Variants in RNF220 observed in about 807,000 individuals in gnomAD.
RNF220 encodes ring finger protein 220.
A neutral mutation model predicts 67.1 loss-of-function variants in RNF220; 7 were observed. The ratio of observed to expected loss-of-function variants is 0.10; its 90% CI spans 0.06 to 0.20. The LOEUF (loss-of-function observed/expected upper bound fraction) is 0.20. Ranked by LOEUF, RNF220 falls within the 10% of genes least tolerant of loss-of-function variation. The pLI is 1.00. For missense variants in RNF220, 565 were observed against 740.3 expected (o/e 0.76, Z 2.75); for synonymous variants, 270 against 283.2 (o/e 0.95, Z 0.47).
intron 2 of RNF220, among the ~76,000 whole-genome samples, chr1:44,515,705 G>A (rs537079333): frequency 1.3e-5 from 2 of 152,294 alleles, no homozygotes; most frequent in South Asian, 4.1e-4. Flanking sequence ...AAATCACACA[G>A]TATGAGAAGG....
In RNF220 at chr1:44,481,212, C is replaced by T. The variant is rs141499289; in HGVS notation, c.625+68490C>T. Among the ~76,000 whole-genome samples, 1,492 of 152,086 alleles carry T rather than the reference C, an allele frequency of 9.8e-3. 34 individuals carry two copies. The highest frequency in any genetic ancestry group is 0.034 in the African/African-American group (1,425 of 41,466). ...CTGAGGTGGGAGGATTGCATGAGCC[C>T]GGGAGTTCAAGACCAGGTTGGGAAA... On this transcript the variant is annotated intron_variant, in intron 2 of 14. Transcript: ENST00000361799.
At position 44,580,063 on chromosome 1, in the gene RNF220, AAAAG is replaced by A. The variant is rs1200849885; in HGVS notation, c.626-34086_626-34083del. On this transcript the variant is annotated intron_variant, in intron 2 of 14. Coordinates refer to ENST00000361799, the MANE Select transcript of RNF220 (RefSeq NM_018150.4). ...AAAAAAAAAAAAAAAAAAAAGAAAG[AAAAG>A]AAAGAAAGAAAGAAAAGAAAAGAAA... 2.9e-3 allele frequency among the ~76,000 whole-genome samples: 436 copies of A among 149,000 alleles called. 1 individual carries two copies. Among genetic ancestry groups the A allele is most frequent in the African/African-American group, 9.3e-3 (377 of 40,464 alleles).
In RNF220 at chr1:44,551,886, C is replaced by T. The variant is rs552747345; in HGVS notation, c.626-62279C>T. On this transcript the variant is annotated intron_variant, in intron 2 of 14. Coordinates refer to ENST00000361799, the MANE Select transcript of RNF220 (RefSeq NM_018150.4). ...CAAGCTCCCATTCCCACAAGCTATG[C>T]TTTAGATCTAGTCTCCTCCTAACAC... Among the ~76,000 whole-genome samples the T allele has an allele frequency of 4.4e-4, 67 of 152,324 alleles. 3 individuals carry two copies. The South Asian group carries it at 0.012, about 28-fold the overall frequency.
intron 2 of RNF220, among the ~76,000 whole-genome samples, chr1:44,575,091 ACATTAGAACTTATTCCTTC>A (rs962204130): frequency 2.0e-5 from 3 of 152,128 alleles, no homozygotes; most frequent in African/African-American, 4.8e-5. Flanking sequence ...CTGCTATCAA[ACATTAGAACTTATTCCTTC>A]CATTAGAACT....
intron 8 of RNF220, chr1:44,636,507 T>C (rs1022955017): frequency 1.1e-5 from 8 of 706,710 alleles, no homozygotes; most frequent in African/African-American, 8.8e-5. Flanking sequence ...TCCATCCCTC[T>C]TAAGGCTGAT....
intron 2 of RNF220, among the ~76,000 whole-genome samples, chr1:44,578,894 G>A (rs1256195408): frequency 6.6e-6 from 1 of 152,122 alleles, no homozygotes; most frequent in Non-Finnish European, 1.5e-5. Context: ...GGCCGGGTGC[G>A]GTGGCTCACG....
At chr1:44,641,806 C>CT (rs1435113315) in intron 8 of RNF220, among the ~76,000 whole-genome samples, 1 of 152,316 alleles carries the variant, frequency 6.6e-6, no homozygotes, top group Non-Finnish European at 1.5e-5. Flanking sequence ...TCTGTCTCAG[C>CT]TGGAGGATGG....
chr1:44,466,742 T>C (rs1460687897), intron 2 of RNF220, among the ~76,000 whole-genome samples: 1 of 152,218 alleles, frequency 6.6e-6, no homozygotes, highest in African/African-American at 2.4e-5. Flanking sequence ...CTCTTAGCAG[T>C]AGATCTCAAC....
At chr1:44,646,284 T>A (rs1644644502) in intron 12 of RNF220, among the ~76,000 whole-genome samples, 1 of 152,242 alleles carries the variant, frequency 6.6e-6, no homozygotes, top group African/African-American at 2.4e-5. Context: ...GCCGGGTCGG[T>A]GGCCCAGGGT....
intron 2 of RNF220, among the ~76,000 whole-genome samples, chr1:44,429,308 A>G (rs1224970460): frequency 6.6e-6 from 1 of 152,220 alleles, no homozygotes; most frequent in Admixed American, 6.5e-5. Context: ...ATTCTTCCAG[A>G]TGTTTTCTCC....
At chr1:44,631,726 C>T (rs1430432840) in intron 5 of RNF220, 1 of 209,922 alleles carries the variant, frequency 4.8e-6, no homozygotes, top group Non-Finnish European at 8.3e-6. Flanking sequence ...AGGCGGGAGC[C>T]GGGGCCGGGC....
At chr1:44,442,244 G>A (rs1400127624) in intron 2 of RNF220, among the ~76,000 whole-genome samples, 1 of 152,018 alleles carries the variant, frequency 6.6e-6, no homozygotes. Flanking sequence ...CTAGGCTTAG[G>A]TGATCCTCCC....
intron 2 of RNF220, among the ~76,000 whole-genome samples, chr1:44,555,793 T>C (rs1309648043): frequency 6.7e-6 from 1 of 150,362 alleles, no homozygotes; most frequent in Non-Finnish European, 1.5e-5. Flanking sequence ...CCAATTTATT[T>C]TTACCTCTGT....
intron 3 of RNF220, among the ~76,000 whole-genome samples, chr1:44,619,935 A>G (rs940899301): frequency 4.6e-5 from 7 of 152,234 alleles, no homozygotes; most frequent in Non-Finnish European, 1.0e-4. Context: ...TGCAAGGGAC[A>G]GTGAAGAGTG....
At chr1:44,597,384 A>G (rs1252420793) in intron 2 of RNF220, among the ~76,000 whole-genome samples, 1 of 151,942 alleles carries the variant, frequency 6.6e-6, no homozygotes, top group Non-Finnish European at 1.5e-5. Flanking sequence ...GGAGAATTTG[A>G]AGAGACAAAG....
chr1:44,588,112 AGCAATCAGGCAGG>A (rs1227298428), intron 2 of RNF220, among the ~76,000 whole-genome samples: 3 of 152,202 alleles, frequency 2.0e-5, no homozygotes, highest in Non-Finnish European at 4.4e-5. Context: ...GCTGGCAGGA[AGCAATCAGGCAGG>A]GCTGGGTAGA....
intron 2 of RNF220, among the ~76,000 whole-genome samples, chr1:44,489,851 TC>T (rs1293374356): frequency 6.6e-6 from 1 of 152,180 alleles, no homozygotes; most frequent in Middle Eastern, 3.2e-3. Context: ...GTCTTGAATA[TC>T]CCCTTTTGTC....
At position 44,420,653 on chromosome 1, in the gene RNF220, C is replaced by T. The variant is rs1334656866; in HGVS notation, c.625+7931C>T. Reference sequence around the variant, plus strand: ...AGGTGGGGAGGCAATGTAACATAGTCACTATGAGTTTGGCCTCTGGAGTTA... The same window carrying T: ...AGGTGGGGAGGCAATGTAACATAGTTACTATGAGTTTGGCCTCTGGAGTTA... On this transcript the variant is annotated intron_variant, in intron 2 of 14. Transcript: ENST00000361799. 2.6e-5 allele frequency among the ~76,000 whole-genome samples: 4 copies of T among 152,270 alleles called. No homozygotes were observed. In the East Asian group the frequency reaches 7.7e-4, roughly 29 times the overall value.
chr1:44,484,271 G>A (rs1656086775), intron 2 of RNF220, among the ~76,000 whole-genome samples: 5 of 152,102 alleles, frequency 3.3e-5, no homozygotes, highest in Admixed American at 3.3e-4. Flanking sequence ...AGCATGAAGG[G>A]TCAAGTAGGA....
Sources: gnomAD v4.1 joint callset for allele counts (sites outside exome capture counted in the v4.1 genomes callset) on GRCh38, gnomAD v4.1.1 for gene constraint, MANE v1.5 for transcripts, NCBI Gene and HGNC (gene_info 2026-07-23, HGNC 2026-07-21) for gene names.